The following CDH13 variants were observed in gnomAD, a reference collection of about 807,000 sequenced individuals.
CDH13 encodes cadherin 13, also known as cadherin-13.
Under a neutral mutation model 63.8 loss-of-function variants are expected in CDH13, and 24 were observed. That is an observed-to-expected ratio of 0.38 (90% confidence interval 0.27 to 0.53). The LOEUF is 0.53. Among genes scored for constraint, CDH13 ranks in the 20% least tolerant of loss-of-function variants. The pLI is 0.85. For synonymous variants in CDH13, 503 were observed against 355.3 expected (o/e 1.42, Z -4.67); for missense variants, 1,049 against 903.1 (o/e 1.16, Z -2.07).
At chr16:83,417,170 G>A (rs2071574969) in intron 6 of CDH13, among the ~76,000 whole-genome samples, 1 of 152,126 alleles carries the variant, frequency 6.6e-6, no homozygotes, top group Non-Finnish European at 1.5e-5. Flanking sequence ...AGATCAAAGA[G>A]TCAGTGGTGG....
At chr16:83,356,833 C>A (rs75940528) in intron 6 of CDH13, among the ~76,000 whole-genome samples, 3 of 152,114 alleles carry the variant, frequency 2.0e-5, no homozygotes, top group African/African-American at 7.2e-5. Context: ...AGACTTACAG[C>A]TTTCTTGCTT....
At chr16:83,067,815 GCC>G (rs2032132885) in intron 3 of CDH13, among the ~76,000 whole-genome samples, 3 of 152,206 alleles carry the variant, frequency 2.0e-5, no homozygotes, top group African/African-American at 7.2e-5. Flanking sequence ...TGCTGTTCCT[GCC>G]CCTCTCTTCT....
At chr16:83,342,502 G>T (rs911634006) in intron 5 of CDH13, among the ~76,000 whole-genome samples, 11 of 152,080 alleles carry the variant, frequency 7.2e-5, no homozygotes, top group African/African-American at 2.4e-4. Flanking sequence ...TGATATTATT[G>T]TCCTCTGAAA....
intron 4 of CDH13, among the ~76,000 whole-genome samples, chr16:83,182,509 G>A (rs1394577401): frequency 1.3e-5 from 2 of 152,198 alleles, no homozygotes; most frequent in Non-Finnish European, 2.9e-5. Context: ...CCACGTGAAA[G>A]GTGAAGTTCA....
chr16:82,639,365 A>G (rs1167641059), intron 1 of CDH13: 1 of 1,535,134 alleles, frequency 6.5e-7, no homozygotes, highest in Non-Finnish European at 8.7e-7. Context: ...ACCAGGGCCA[A>G]ACAACCCACC....
At chr16:82,996,732 G>T (rs1022345270) in intron 2 of CDH13, among the ~76,000 whole-genome samples, 2 of 152,106 alleles carry the variant, frequency 1.3e-5, no homozygotes, top group African/African-American at 2.4e-5. Flanking sequence ...GATGATGGTA[G>T]TGATGATGAT....
chr16:83,746,974 G>C (rs528863784), intron 10 of CDH13, among the ~76,000 whole-genome samples: 10 of 152,264 alleles, frequency 6.6e-5, no homozygotes, highest in African/African-American at 1.9e-4. Context: ...CAGTAGTTCA[G>C]GTTCTCTATA....
intron 10 of CDH13, among the ~76,000 whole-genome samples, chr16:83,691,603 T>G (rs1012408785): frequency 2.0e-5 from 3 of 151,916 alleles, no homozygotes; most frequent in Non-Finnish European, 4.4e-5. Context: ...GGTCACAAGG[T>G]CAGGAGTTCA....
At position 83,568,164 on chromosome 16, in the gene CDH13, G is replaced by A. The variant is rs531780228; in HGVS notation, c.961-34290G>A. 3.3e-5 allele frequency among the ~76,000 whole-genome samples: 5 copies of A among 151,766 alleles called. No homozygotes were observed. The South Asian group carries it at 8.4e-4, about 25-fold the overall frequency. On this transcript the variant is annotated intron_variant, in intron 7 of 13. Transcript: ENST00000567109. Reference sequence around the variant, plus strand: ...GTCTGAATACATGTGCTGGTGGAACGAAATGACACTCACCCCAAAACAAAA... The same window carrying A: ...GTCTGAATACATGTGCTGGTGGAACAAAATGACACTCACCCCAAAACAAAA...
At chr16:83,589,560 A>G (rs1349610203) in intron 7 of CDH13, among the ~76,000 whole-genome samples, 1 of 151,842 alleles carries the variant, frequency 6.6e-6, no homozygotes, top group African/African-American at 2.4e-5. Flanking sequence ...CACAGATTCC[A>G]GGAATTAGAA....
In CDH13 at chr16:83,664,112, A is replaced by G. The variant is rs1381414847; in HGVS notation, c.1102-6678A>G. Among the ~76,000 whole-genome samples, 12 of 152,188 alleles carry G rather than the reference A, an allele frequency of 7.9e-5. 1 individual carries two copies. Among genetic ancestry groups the G allele is most frequent in the Non-Finnish European group, 1.8e-4 (12 of 68,034 alleles). On this transcript the variant is annotated intron_variant, in intron 8 of 13. Coordinates refer to ENST00000567109, the MANE Select transcript of CDH13 (RefSeq NM_001257.5). Reference sequence around the variant, plus strand: ...GTCAAGGCTGCAGTGAGCCGTGATCATAACACTGCATTCCAGTCTAGGCAA... The same window carrying G: ...GTCAAGGCTGCAGTGAGCCGTGATCGTAACACTGCATTCCAGTCTAGGCAA...
At chr16:83,533,641 G>T (rs1232342209) in intron 7 of CDH13, among the ~76,000 whole-genome samples, 2 of 117,100 alleles carry the variant, frequency 1.7e-5, no homozygotes, top group African/African-American at 3.4e-5. Context: ...TTTTTTTTGA[G>T]ATGGAGTCTC....
chr16:83,067,131 A>G (rs1241805761), intron 3 of CDH13, among the ~76,000 whole-genome samples: 2 of 152,188 alleles, frequency 1.3e-5, no homozygotes, highest in South Asian at 2.1e-4. Context: ...CCTAGGAGCC[A>G]TTTTGTCTTT....
At chr16:83,232,621 C>T (rs570337860) in intron 5 of CDH13, among the ~76,000 whole-genome samples, 57 of 152,022 alleles carry the variant, frequency 3.7e-4, no homozygotes, top group African/African-American at 8.0e-4. Context: ...CCATGTTATA[C>T]GCCTGCATCC....
chr16:83,081,750 T>C (rs1011230911), intron 3 of CDH13, among the ~76,000 whole-genome samples: 1 of 151,684 alleles, frequency 6.6e-6, no homozygotes, highest in Admixed American at 6.6e-5. Flanking sequence ...CTCCTTAGAA[T>C]GGTACTAATT....
At chr16:83,471,938 A>C (rs908708620) in intron 6 of CDH13, among the ~76,000 whole-genome samples, 1 of 152,144 alleles carries the variant, frequency 6.6e-6, no homozygotes, top group African/African-American at 2.4e-5. Flanking sequence ...AGACAACCTA[A>C]GGTTACTTTG....
intron 13 of CDH13, among the ~76,000 whole-genome samples, chr16:83,785,256 C>G (rs1567594874): frequency 6.6e-6 from 1 of 152,120 alleles, no homozygotes; most frequent in Non-Finnish European, 1.5e-5. Flanking sequence ...CTGAGAAGTC[C>G]AAGAATAAGA....
intron 7 of CDH13, among the ~76,000 whole-genome samples, chr16:83,568,361 T>C (rs1598302715): frequency 6.6e-6 from 1 of 152,170 alleles, no homozygotes; most frequent in East Asian, 1.9e-4. Context: ...CAGGATGAAA[T>C]TCTGGTCCTT....
At chr16:82,734,093 C>G (rs1314698406) in intron 1 of CDH13, among the ~76,000 whole-genome samples, 1 of 152,134 alleles carries the variant, frequency 6.6e-6, no homozygotes, top group Non-Finnish European at 1.5e-5. Flanking sequence ...TGAGTTGAGA[C>G]CTGAAGGAGG....
Sources: gnomAD v4.1 joint callset for allele counts (sites outside exome capture counted in the v4.1 genomes callset) on GRCh38, gnomAD v4.1.1 for gene constraint, MANE v1.5 for transcripts, NCBI Gene and HGNC (gene_info 2026-07-23, HGNC 2026-07-21) for gene names.